WWOX: variants seen among roughly 807,000 people sequenced by gnomAD.
WWOX encodes WW domain-containing oxidoreductase.
Under a neutral mutation model 46.2 loss-of-function variants are expected in WWOX, and 69 were observed. The observed-to-expected ratio is 1.49, with a 90% CI of 1.23 to 1.82. The LOEUF is 1.82. Among genes scored for constraint, WWOX ranks in the 40% most tolerant of loss-of-function variants. The pLI, the probability that WWOX is intolerant of heterozygous loss-of-function variation, is 0.00. For missense variants in WWOX, 919 were observed against 542.6 expected (o/e 1.69, Z -6.89); for synonymous variants, 359 against 202.6 (o/e 1.77, Z -6.56).
At chr16:78,264,057 A>C (rs2079309654) in intron 5 of WWOX, among the ~76,000 whole-genome samples, 1 of 92,768 alleles carries the variant, frequency 1.1e-5, no homozygotes, top group Non-Finnish European at 2.0e-5. Flanking sequence ...TTATCTCTGG[A>C]TGGTTTGTTT....
intron 8 of WWOX, among the ~76,000 whole-genome samples, chr16:78,468,098 G>A (rs1055776298): frequency 2.6e-5 from 4 of 152,042 alleles, no homozygotes; most frequent in Non-Finnish European, 4.4e-5. Flanking sequence ...TGTCCTCATT[G>A]CCCTCTGGGA....
chr16:78,913,488 TG>T (rs1182701045), intron 8 of WWOX, among the ~76,000 whole-genome samples: 1 of 151,910 alleles, frequency 6.6e-6, no homozygotes. Context: ...ATGATGATGT[TG>T]GAAGCCATAC....
At chr16:79,175,080 T>G (rs894895159) in intron 8 of WWOX, among the ~76,000 whole-genome samples, 1 of 152,202 alleles carries the variant, frequency 6.6e-6, no homozygotes, top group African/African-American at 2.4e-5. Context: ...ACATCAACTG[T>G]GCAGATCACT....
chr16:78,840,503 A>C (rs2052109710), intron 8 of WWOX, among the ~76,000 whole-genome samples: 1 of 152,216 alleles, frequency 6.6e-6, no homozygotes, highest in African/African-American at 2.4e-5. Flanking sequence ...CTAATTATGT[A>C]GTGTCTACAG....
intron 8 of WWOX, among the ~76,000 whole-genome samples, chr16:78,956,038 G>T (rs12444278): frequency 0.46 from 70,352 of 151,784 alleles, 16,515 homozygotes; most frequent in African/African-American, 0.48. Flanking sequence ...TGTTTTAGTT[G>T]GGGAGCCAAA....
chr16:79,108,148 C>T (rs996632129), intron 8 of WWOX, among the ~76,000 whole-genome samples: 2 of 152,184 alleles, frequency 1.3e-5, no homozygotes, highest in African/African-American at 4.8e-5. Context: ...ATAAAATAGG[C>T]ACTCTGTTGG....
In WWOX at chr16:78,595,241, G is replaced by T. The variant is rs544259729; in HGVS notation, c.1056+162489G>T. Among the ~76,000 whole-genome samples, 68 of 152,262 alleles carry T rather than the reference G, an allele frequency of 4.5e-4. No individual in the cohort carries two copies. The South Asian group carries it at 0.014, about 31-fold the overall frequency. ...CATATTCCTGCCAGCAGGTTTAGCA[G>T]TCGTGGGACTAGGGAAGTGGCAATG... On this transcript the variant is annotated intron_variant, in intron 8 of 8. Transcript: ENST00000566780.
chr16:79,099,578 G>A (rs1052527698), intron 8 of WWOX, among the ~76,000 whole-genome samples: 3 of 144,822 alleles, frequency 2.1e-5, no homozygotes, highest in African/African-American at 8.1e-5. Flanking sequence ...GTGTGCGTGT[G>A]TGTGTGTGTG....
intron 8 of WWOX, among the ~76,000 whole-genome samples, chr16:78,779,051 A>G (rs949278989): frequency 1.3e-5 from 2 of 152,198 alleles, no homozygotes; most frequent in Admixed American, 6.5e-5. Context: ...GTGGAATGTT[A>G]TAGCCGGAAG....
At chr16:79,095,124 AG>A (rs1411878908) in intron 8 of WWOX, among the ~76,000 whole-genome samples, 3 of 152,212 alleles carry the variant, frequency 2.0e-5, no homozygotes, top group Admixed American at 1.3e-4. Flanking sequence ...CTTCTCTAAA[AG>A]GCTTCCCAAT....
At chr16:78,867,999 C>T (rs952475355) in intron 8 of WWOX, among the ~76,000 whole-genome samples, 13 of 152,180 alleles carry the variant, frequency 8.5e-5, no homozygotes, top group African/African-American at 3.1e-4. Context: ...AAGTTAAACA[C>T]ACACATATGT....
At chr16:79,115,764 A>C (rs1234564937) in intron 8 of WWOX, among the ~76,000 whole-genome samples, 2 of 152,188 alleles carry the variant, frequency 1.3e-5, no homozygotes, top group African/African-American at 2.4e-5. Context: ...TTCAAGTTAC[A>C]AGAAAAACAC....
intron 4 of WWOX, among the ~76,000 whole-genome samples, chr16:78,121,543 C>T (rs573053268): frequency 6.6e-6 from 1 of 152,132 alleles, no homozygotes; most frequent in Non-Finnish European, 1.5e-5. Context: ...TAATGAGCAT[C>T]ATCTCATAAT....
chr16:78,318,783 G>C (rs981382793), intron 5 of WWOX, among the ~76,000 whole-genome samples: 4 of 151,996 alleles, frequency 2.6e-5, no homozygotes, highest in Non-Finnish European at 4.4e-5. Flanking sequence ...GCACAGAGGG[G>C]ATCCCTGTGA....
At chr16:78,859,431 T>C (rs1441415250) in intron 8 of WWOX, among the ~76,000 whole-genome samples, 1 of 152,128 alleles carries the variant, frequency 6.6e-6, no homozygotes, top group Non-Finnish European at 1.5e-5. Flanking sequence ...AAGAACTGGG[T>C]CTACTATTGC....
chr16:78,434,068 C>G (rs1445546632), intron 8 of WWOX, among the ~76,000 whole-genome samples: 1 of 152,052 alleles, frequency 6.6e-6, no homozygotes, highest in Admixed American at 6.5e-5. Flanking sequence ...GGATTACAGG[C>G]GTGAGCCACC....
intron 8 of WWOX, among the ~76,000 whole-genome samples, chr16:78,473,887 C>A (rs180943019): frequency 6.6e-6 from 1 of 152,142 alleles, no homozygotes; most frequent in Non-Finnish European, 1.5e-5. Context: ...TTCTTCTTCG[C>A]CGTTGTTACC....
chr16:78,374,696 C>T lies in WWOX; in HGVS notation c.517-12164C>T, dbSNP rs189686763. Among the ~76,000 whole-genome samples, 105 of 151,788 alleles carry T rather than the reference C, an allele frequency of 6.9e-4. 1 individual carries two copies. The highest frequency in any genetic ancestry group is 2.3e-3 in the African/African-American group (97 of 41,414). ...CCCGAGTAGCTGGAACTACAGGTGC[C>T]CGCCACCAGGCCTGGCTAATTTTTT... On this transcript the variant is annotated intron_variant, in intron 5 of 8. Transcript: ENST00000566780.
At chr16:78,373,275 C>A (rs1315003505) in intron 5 of WWOX, among the ~76,000 whole-genome samples, 1 of 152,166 alleles carries the variant, frequency 6.6e-6, no homozygotes, top group Non-Finnish European at 1.5e-5. Context: ...AGACACAGAT[C>A]CACATGGGTG....
Sources: gnomAD v4.1 joint callset for allele counts (sites outside exome capture counted in the v4.1 genomes callset) on GRCh38, gnomAD v4.1.1 for gene constraint, MANE v1.5 for transcripts, NCBI Gene and HGNC (gene_info 2026-07-23, HGNC 2026-07-21) for gene names.